The following SYNPO2 variants were observed in gnomAD, a reference collection of about 807,000 sequenced individuals.
SYNPO2 encodes synaptopodin-2.
A neutral mutation model predicts 85.0 loss-of-function variants in SYNPO2; 56 were observed. That is an observed-to-expected ratio of 0.66 (90% CI 0.53 to 0.82). SYNPO2 has a LOEUF of 0.82. SYNPO2 is among the 40% of genes least tolerant of loss of function. The pLI, the probability that SYNPO2 is intolerant of heterozygous loss-of-function variation, is 0.00. For synonymous variants in SYNPO2, 602 were observed against 591.1 expected, an observed-to-expected ratio of 1.02 and a Z score of -0.27; for missense variants, 1,575 against 1,534.2, an observed-to-expected ratio of 1.03 and a Z score of -0.44.
At chr4:118,962,743 G>A (rs1386774125) in intron 1 of SYNPO2, among the ~76,000 whole-genome samples, 1 of 152,172 alleles carries the variant, frequency 6.6e-6, no homozygotes, top group Non-Finnish European at 1.5e-5. Flanking sequence ...ATCTGATCCA[G>A]TCCTGCTTCC....
At chr4:118,988,259 T>C (rs896618700) in intron 1 of SYNPO2, among the ~76,000 whole-genome samples, 4 of 152,206 alleles carry the variant, frequency 2.6e-5, no homozygotes. Flanking sequence ...GGTTTGGTTT[T>C]TAGGTTTTAA....
At chr4:118,966,222 C>T (rs975861329) in intron 1 of SYNPO2, among the ~76,000 whole-genome samples, 3 of 152,092 alleles carry the variant, frequency 2.0e-5, no homozygotes, top group Admixed American at 6.6e-5. Context: ...TAGAAAGAAA[C>T]GGGAAATAGA....
chr4:118,916,552 CTA>C (rs1250142257), intron 1 of SYNPO2, among the ~76,000 whole-genome samples: 2 of 139,410 alleles, frequency 1.4e-5, no homozygotes, highest in Non-Finnish European at 3.3e-5. Flanking sequence ...AAATATAAAC[CTA>C]TTACTTACTA....
intron 4 of SYNPO2, among the ~76,000 whole-genome samples, chr4:119,054,629 C>T (rs1436762648): frequency 1.3e-5 from 2 of 152,118 alleles, no homozygotes; most frequent in Non-Finnish European, 2.9e-5. Context: ...GGCCATCTCT[C>T]CCTCTACCGA....
intron 1 of SYNPO2, among the ~76,000 whole-genome samples, chr4:118,965,604 G>A (rs925812390): frequency 1.3e-5 from 2 of 152,110 alleles, no homozygotes; most frequent in Non-Finnish European, 2.9e-5. Flanking sequence ...TGGTTACACA[G>A]TATTGTTTTT....
chr4:118,873,736 TG>T (rs1560810095), intron 1 of SYNPO2, among the ~76,000 whole-genome samples: 1 of 152,212 alleles, frequency 6.6e-6, no homozygotes, highest in Non-Finnish European at 1.5e-5. Context: ...TTGTTGCCTG[TG>T]CTTTTGAGGT....
At chr4:118,907,798 C>T (rs576374671) in intron 1 of SYNPO2, among the ~76,000 whole-genome samples, 3 of 152,254 alleles carry the variant, frequency 2.0e-5, no homozygotes, top group East Asian at 1.9e-4. Context: ...AGAAATACCA[C>T]ATTATTAACA....
intron 1 of SYNPO2, among the ~76,000 whole-genome samples, chr4:118,979,011 ATTGTTTAACACCTGTACT>A (rs1735901586): frequency 1.3e-5 from 2 of 152,072 alleles, no homozygotes; most frequent in Non-Finnish European, 2.9e-5. Flanking sequence ...TGAAATCTTT[ATTGTTTAACACCTGTACT>A]GATGCGATAT....
chr4:118,938,909 T>C (rs1035960658), intron 1 of SYNPO2, among the ~76,000 whole-genome samples: 2 of 152,226 alleles, frequency 1.3e-5, no homozygotes, highest in African/African-American at 4.8e-5. Flanking sequence ...CTTCTGGAGA[T>C]AATGATAACC....
At chr4:118,860,297 G>A (rs550564767) in intron 1 of SYNPO2, among the ~76,000 whole-genome samples, 45 of 152,284 alleles carry the variant, frequency 3.0e-4, no homozygotes, top group African/African-American at 1.1e-3. Flanking sequence ...AGGCTGGAGT[G>A]TAGTGGCATG....
At position 119,029,977 on chromosome 4, in the gene SYNPO2, G is replaced by A; in HGVS notation, c.1202G>A (p.Arg401His). The stretch of plus-strand genomic sequence containing the variant: ...GGGGTGTTGATGTTTAAGAAGCGAC[G>A]TCGGAGGGCCAGGAAATACACCCTA... ...SKGVLMFKKR[R>H]RRARKYTLVS... Residue 401 changes from arginine (R) to histidine (H), a missense_variant, in exon 4 of 5, where the codon CGT becomes CAT. Around this residue, in one of 3 missense-constraint regions of SYNPO2, gnomAD observed 1,508 missense variants for 1,446.8 expected, o/e 1.04. Coordinates refer to ENST00000307142, the MANE Select transcript of SYNPO2 (RefSeq NM_133477.3). The A allele has an allele frequency of 6.2e-7, 1 of 1,614,088 alleles. No homozygotes were observed. Among genetic ancestry groups the A allele is most frequent in the African/African-American group, 1.3e-5 (1 of 75,004 alleles).
At position 119,026,837 on chromosome 4, in the gene SYNPO2, GAAAGAAGAAA is replaced by G; in HGVS notation, c.469_478del (p.Lys157GlnfsTer23). On this transcript the variant is annotated frameshift_variant, in exon 3 of 5. Coordinates refer to ENST00000307142, the MANE Select transcript of SYNPO2 (RefSeq NM_133477.3). LOFTEE classifies it high-confidence loss of function. ...GTGGTCCCGACTGTGCAGGCAGCTT[GAAAGAAGAAA>G]CAGGCCCGAGCTACCAAAGGGCTCC... 6.2e-7 allele frequency: 1 copy of G among 1,614,082 alleles called. No individual in the cohort carries two copies. Among genetic ancestry groups the G allele is most frequent in the Non-Finnish European group, 8.5e-7 (1 of 1,180,008 alleles).
intron 1 of SYNPO2, among the ~76,000 whole-genome samples, chr4:118,980,363 C>A (rs1735959584): frequency 6.6e-6 from 1 of 152,162 alleles, no homozygotes; most frequent in African/African-American, 2.4e-5. Flanking sequence ...CATCCCTTTT[C>A]TAGCTGGCTT....
intron 4 of SYNPO2, among the ~76,000 whole-genome samples, chr4:119,056,130 G>C (rs1451584632): frequency 6.6e-6 from 1 of 152,126 alleles, no homozygotes; most frequent in East Asian, 1.9e-4. Context: ...TTTTTGCCAA[G>C]AGCTTATCTC....
chr4:118,875,251 T>A (rs1731882655), intron 1 of SYNPO2, among the ~76,000 whole-genome samples: 1 of 152,228 alleles, frequency 6.6e-6, no homozygotes, highest in Non-Finnish European at 1.5e-5. Flanking sequence ...CTTTATCCAG[T>A]CTATCATTGA....
chr4:119,023,615 T>C, intron 2 of SYNPO2, 34 bp downstream of exon 2: 1 of 1,595,690 alleles, frequency 6.3e-7, no homozygotes, highest in Non-Finnish European at 8.6e-7. Context: ...GTATTTTCTC[T>C]TGAAGCTACA....
intron 1 of SYNPO2, among the ~76,000 whole-genome samples, chr4:119,005,247 C>T (rs1736989918): frequency 6.6e-6 from 1 of 152,156 alleles, no homozygotes; most frequent in African/African-American, 2.4e-5. Flanking sequence ...TCCCATTTGT[C>T]AATTTTGGCT....
chr4:118,859,310 T>A (rs1731567808), intron 1 of SYNPO2, among the ~76,000 whole-genome samples: 1 of 152,216 alleles, frequency 6.6e-6, no homozygotes, highest in South Asian at 2.1e-4. Flanking sequence ...GGTGTATATA[T>A]TTATGGGTTA....
In SYNPO2 at chr4:119,002,987, T is replaced by C. The variant is rs116495579; in HGVS notation, c.106-20443T>C. Among the ~76,000 whole-genome samples, 920 of 152,334 alleles carry C rather than the reference T, an allele frequency of 6.0e-3. 12 individuals carry two copies. Among genetic ancestry groups the C allele is most frequent in the African/African-American group, 0.021 (876 of 41,570 alleles). ...TTCGTTTTGTTTTCTGTTTTCTCAT[T>C]CTGGAATTTCTGTTATTTAGCTGTT... On this transcript the variant is annotated intron_variant, in intron 1 of 4. Transcript: ENST00000307142.
Sources: allele counts gnomAD v4.1 joint callset (sites outside exome capture counted in the v4.1 genomes callset), GRCh38; gene constraint gnomAD v4.1.1; regional missense constraint gnomAD v4.1.1; transcripts MANE v1.5; gene names NCBI Gene and HGNC (gene_info 2026-07-23, HGNC 2026-07-21).